The following TKT variants were observed in gnomAD, a reference collection of about 807,000 sequenced individuals.
TKT encodes epididymis luminal protein 107.
TKT carries 47 observed loss-of-function variants against 63.9 expected under a neutral mutation model. The ratio of observed to expected loss-of-function variants is 0.74; its 90% confidence interval spans 0.58 to 0.94. TKT has a LOEUF of 0.94. TKT is among the 40% of genes least tolerant of loss of function. The probability of loss-of-function intolerance (pLI) is 0.00; values close to 1 mark genes in which losing one functional copy is unlikely to be tolerated. For synonymous variants in TKT, 338 were observed against 334.1 expected (o/e 1.01, Z -0.13); for missense variants, 721 against 846.2 (o/e 0.85, Z 1.84).
At chr3:53,252,187 G>C (rs909691692) in intron 1 of TKT, among the ~76,000 whole-genome samples, 19 of 152,338 alleles carry the variant, frequency 1.2e-4, no homozygotes, top group Admixed American at 2.6e-4. Context: ...CCCCAGAAAA[G>C]GGGACATTCT....
At chr3:53,227,984 G>A (rs41275539) in intron 12 of TKT, 72 bp downstream of exon 12, 242,777 of 1,335,970 alleles carry the variant, frequency 0.18, 23,297 homozygotes, top group South Asian at 0.2. Flanking sequence ...CAGAAAGAAC[G>A]AAAGAAAGAA....
intron 1 of TKT, 54 bp from the exon 2 acceptor site, chr3:53,242,296 C>A: frequency 6.4e-7 from 1 of 1,557,924 alleles, no homozygotes; most frequent in Non-Finnish European, 8.8e-7. Context: ...CACTCCTGAG[C>A]TATTGTGCTC....
chr3:53,251,060 C>T (rs868976117), intron 1 of TKT, among the ~76,000 whole-genome samples: 1 of 152,172 alleles, frequency 6.6e-6, no homozygotes, highest in Non-Finnish European at 1.5e-5. Context: ...CATGAGCCAC[C>T]GCACCTGGCC....
At chr3:53,227,152 T>C in intron 12 of TKT, 1 of 370,734 alleles carries the variant, frequency 2.7e-6, no homozygotes, top group East Asian at 5.1e-5. Flanking sequence ...CCTTCCCTCA[T>C]CCTCCCACAA....
intron 1 of TKT, among the ~76,000 whole-genome samples, chr3:53,250,944 T>C (rs1190531493): frequency 6.6e-5 from 10 of 152,032 alleles, no homozygotes; most frequent in Admixed American, 1.3e-4. Context: ...CAGCTCTTTC[T>C]TTTTTTTGTA....
chr3:53,230,613 G>T lies in TKT; in HGVS notation c.951C>A (p.Thr317=). The T allele has an allele frequency of 1.2e-6, 2 of 1,614,206 alleles. No homozygotes were observed. The highest frequency in any genetic ancestry group is 2.2e-5 in the East Asian group (1 of 44,872). ...CCAGTGCCTGCCCGTAGGCCTTGCG[G>T]GTGGCTATCTGTGAGGAAGAGAGTG... The part of the protein sequence containing the change: ...PSYKVGDKIA[T]RKAYGQALAK... The change falls in exon 8 of 14, where the codon ACC becomes ACA. Residue 317 remains threonine, a synonymous_variant. Coordinates refer to ENST00000462138, the MANE Select transcript of TKT (RefSeq NM_001064.4).
At chr3:53,229,955 C>T (rs4267636) in intron 8 of TKT, among the ~76,000 whole-genome samples, 26,598 of 152,138 alleles carry the variant, frequency 0.17, 2,437 homozygotes, top group South Asian at 0.29. Context: ...AAAACATGGA[C>T]AAAACATTGT....
chr3:53,242,226 A>C lies in TKT; in HGVS notation c.124T>G (p.Cys42Gly). 6.2e-7 allele frequency: 1 copy of C among 1,614,042 alleles called. No individual in the cohort carries two copies. Among genetic ancestry groups the C allele is most frequent in the African/African-American group, 1.3e-5 (1 of 75,050 alleles). Residue 42 changes from cysteine (C) to glycine (G), a missense_variant, in exon 2 of 14, where the codon TGC becomes GGC. Coordinates refer to ENST00000462138, the MANE Select transcript of TKT (RefSeq NM_001064.4). Reference sequence around the variant, plus strand: ...ACAGCCATGATCTCTGCGGCGCTGCAGCATGACGTGGGGTGGCTGTGGCCC... The same window carrying C: ...ACAGCCATGATCTCTGCGGCGCTGCCGCATGACGTGGGGTGGCTGTGGCCC... The part of the protein sequence containing the change: ...AAGSGHPTSC[C>G]SAAEIMAVLF...
At chr3:53,240,133 G>A in intron 4 of TKT, 118 bp downstream of exon 4, 1 of 927,232 alleles carries the variant, frequency 1.1e-6, no homozygotes, top group Non-Finnish European at 1.6e-6. Flanking sequence ...CCACGCATAT[G>A]TATTACTCTG....
intron 1 of TKT, among the ~76,000 whole-genome samples, chr3:53,249,975 G>A (rs1315138999): frequency 6.6e-6 from 1 of 152,234 alleles, no homozygotes; most frequent in East Asian, 1.9e-4. Flanking sequence ...AGCCACAACA[G>A]GGGCCGGACA....
At chr3:53,252,323 A>T (rs1435470723) in intron 1 of TKT, among the ~76,000 whole-genome samples, 1 of 152,222 alleles carries the variant, frequency 6.6e-6, no homozygotes, top group Non-Finnish European at 1.5e-5. Context: ...TGGGGACAAG[A>T]AACAGAAGAC....
intron 6 of TKT, chr3:53,232,198 A>G: frequency 5.0e-6 from 2 of 397,482 alleles, no homozygotes; most frequent in Non-Finnish European, 4.4e-6. Context: ...CAGCAGCCCG[A>G]AAGACTAGCA....
chr3:53,233,647 T>G (rs1442395915), intron 5 of TKT: 1 of 169,038 alleles, frequency 5.9e-6, no homozygotes. Context: ...CTTGATGAAT[T>G]TTTTGGCCCA....
chr3:53,253,201 C>T (rs1705832845), intron 1 of TKT, among the ~76,000 whole-genome samples: 2 of 152,124 alleles, frequency 1.3e-5, no homozygotes, highest in African/African-American at 4.8e-5. Context: ...TGGTCTTGAA[C>T]TCCTGGCCTC....
chr3:53,228,642 G>A (rs1704606885), intron 10 of TKT: 4 of 506,620 alleles, frequency 7.9e-6, no homozygotes, highest in Non-Finnish European at 1.1e-5. Flanking sequence ...CAGAGGGGCA[G>A]GAACCACGCG....
intron 3 of TKT, 116 bp from the exon 4 acceptor site, chr3:53,240,464 C>A: frequency 1.2e-6 from 1 of 854,012 alleles, no homozygotes; most frequent in East Asian, 2.7e-5. Context: ...GAAGGTCAGG[C>A]CCCAGGATGG....
chr3:53,245,274 C>G (rs1229519046), intron 1 of TKT, among the ~76,000 whole-genome samples: 2 of 149,182 alleles, frequency 1.3e-5, no homozygotes, highest in Admixed American at 1.3e-4. Context: ...CCATTGCACT[C>G]CAGCCTTGGC....
intron 1 of TKT, among the ~76,000 whole-genome samples, chr3:53,243,162 A>T (rs548094854): frequency 2.6e-5 from 4 of 151,918 alleles, no homozygotes; most frequent in Non-Finnish European, 5.9e-5. Flanking sequence ...TGTTTTAATC[A>T]CTGAGCGGCT....
rs78293061 is a variant in TKT, at chr3:53,255,891, T to C, written c.52A>G (p.Thr18Ala). Residue 18 changes from threonine to alanine, a missense_variant, in exon 1 of 14, where the codon ACG (threonine) becomes GCG (alanine). By Grantham distance (58) the Thr-to-Ala change is moderately conservative. Transcript: ENST00000462138. Reference sequence around the variant, plus strand: ...GAGCTGATACGTAGGCGGTTGGCCGTGTCCTTCAAGGCCTGCAGCTTCTGC... The same window carrying C: ...GAGCTGATACGTAGGCGGTTGGCCGCGTCCTTCAAGGCCTGCAGCTTCTGC... ...DQQKLQALKD[T>A]ANRLRISSIQ... The C allele has an allele frequency of 2.5e-5, 38 of 1,550,762 alleles. No individual in the cohort carries two copies. Among genetic ancestry groups the C allele is most frequent in the Non-Finnish European group, 3.1e-5 (36 of 1,149,252 alleles).
Sources: allele counts gnomAD v4.1 joint callset (sites outside exome capture counted in the v4.1 genomes callset), GRCh38; gene constraint gnomAD v4.1.1; transcripts MANE v1.5; gene names NCBI Gene and HGNC (gene_info 2026-07-23, HGNC 2026-07-21).